Variants in PLCB4 observed in about 807,000 individuals in gnomAD.
PLCB4 encodes the protein 1-phosphatidylinositol 4,5-bisphosphate phosphodiesterase beta-4.
In PLCB4, 77 loss-of-function variants were observed where a neutral mutation model predicts 178.8. The observed-to-expected ratio is 0.43, with a 90% CI of 0.36 to 0.52. The LOEUF is 0.52. Among genes scored for constraint, PLCB4 ranks in the 20% least tolerant of loss-of-function variants. PLCB4 has a pLI of 0.00. For missense variants in PLCB4, 1,024 were observed against 1,453.4 expected (o/e 0.70, Z 4.80); for synonymous variants, 496 against 490.8 (o/e 1.01, Z -0.14).
chr20:9,352,305 C>T (rs1313946499), intron 7 of PLCB4, among the ~76,000 whole-genome samples: 1 of 152,108 alleles, frequency 6.6e-6, no homozygotes, highest in Non-Finnish European at 1.5e-5. Flanking sequence ...ATACATTTTT[C>T]CCTCCTGATC....
At chr20:9,375,701 AC>A (rs1180211152) in intron 12 of PLCB4, among the ~76,000 whole-genome samples, 1 of 152,178 alleles carries the variant, frequency 6.6e-6, no homozygotes, top group Non-Finnish European at 1.5e-5. Context: ...TCCCATGAAC[AC>A]TGGAAAGGAC....
At chr20:9,189,874 C>T (rs2093378519) in intron 2 of PLCB4, among the ~76,000 whole-genome samples, 1 of 152,112 alleles carries the variant, frequency 6.6e-6, no homozygotes, top group Admixed American at 6.5e-5. Context: ...CAGTCACCTC[C>T]TAAAGGCCCC....
chr20:9,152,283 G>A (rs958333610), intron 2 of PLCB4, among the ~76,000 whole-genome samples: 6 of 152,158 alleles, frequency 3.9e-5, no homozygotes, highest in South Asian at 2.1e-4. Context: ...CAAGACCATG[G>A]AGAAAATGTC....
chr20:9,409,915 T>G (rs763728937), intron 24 of PLCB4, among the ~76,000 whole-genome samples: 2 of 152,202 alleles, frequency 1.3e-5, no homozygotes, highest in Non-Finnish European at 2.9e-5. Context: ...CAAACCCTCT[T>G]CACTGTAGAT....
At chr20:9,086,826 A>T (rs1454845871) in intron 1 of PLCB4, among the ~76,000 whole-genome samples, 3 of 152,212 alleles carry the variant, frequency 2.0e-5, no homozygotes, top group Non-Finnish European at 4.4e-5. Context: ...GCCCTAGCTG[A>T]TTATGTGTTC....
chr20:9,298,427 A>C (rs1415613721), intron 3 of PLCB4, among the ~76,000 whole-genome samples: 1 of 152,046 alleles, frequency 6.6e-6, no homozygotes, highest in African/African-American at 2.4e-5. Context: ...ATGAGGAAAG[A>C]TATTACTTTT....
intron 3 of PLCB4, among the ~76,000 whole-genome samples, chr20:9,257,428 A>G (rs762727232): frequency 2.0e-5 from 3 of 152,212 alleles, no homozygotes; most frequent in Non-Finnish European, 4.4e-5. Context: ...CAATGTAGCC[A>G]TATAATTATG....
chr20:9,249,253 G>A (rs537767516), intron 3 of PLCB4, among the ~76,000 whole-genome samples: 14 of 151,804 alleles, frequency 9.2e-5, no homozygotes, highest in African/African-American at 2.7e-4. Context: ...TAAGTTTTAG[G>A]GTACATGTGC....
rs371571124 is a variant in PLCB4, at chr20:9,188,908, T to C, written c.-78-28482T>C. Among the ~76,000 whole-genome samples the C allele has an allele frequency of 1.9e-4, 12 of 62,706 alleles. 1 individual carries two copies. Among genetic ancestry groups the C allele is most frequent in the African/African-American group, 7.1e-4 (6 of 8,436 alleles). The allele number at this position is 62,706 out of a possible 152,430, so 41.1% of individuals were successfully genotyped here. The stretch of plus-strand genomic sequence containing the variant: ...TTGTTCATTGTGGAGGGCTGTCATA[T>C]AGTGACATTCTGGGTTGGTTAACTG... On this transcript the variant is annotated intron_variant, in intron 2 of 39. Transcript: ENST00000378473.
intron 28 of PLCB4, among the ~76,000 whole-genome samples, chr20:9,424,292 G>A (rs992510639): frequency 2.0e-5 from 3 of 152,118 alleles, no homozygotes; most frequent in South Asian, 4.1e-4. Context: ...TGAAACCATA[G>A]ATATCTTATC....
chr20:9,260,364 T>C (rs962693399), intron 3 of PLCB4, among the ~76,000 whole-genome samples: 1 of 152,166 alleles, frequency 6.6e-6, no homozygotes, highest in Non-Finnish European at 1.5e-5. Flanking sequence ...AAGTTTCTAA[T>C]TGAAGGATAT....
intron 2 of PLCB4, among the ~76,000 whole-genome samples, chr20:9,172,291 T>C (rs892680014): frequency 2.6e-5 from 4 of 152,176 alleles, no homozygotes; most frequent in African/African-American, 9.6e-5. Flanking sequence ...TAAGATTCCA[T>C]AATAAGAGAG....
intron 19 of PLCB4, among the ~76,000 whole-genome samples, chr20:9,397,322 T>A (rs2038672364): frequency 6.6e-6 from 1 of 152,164 alleles, no homozygotes. Flanking sequence ...AAATTCTAGT[T>A]CTCTTACTCT....
At chr20:9,254,653 G>A (rs1229904641) in intron 3 of PLCB4, among the ~76,000 whole-genome samples, 2 of 152,118 alleles carry the variant, frequency 1.3e-5, no homozygotes, top group Non-Finnish European at 2.9e-5. Context: ...AGCTGAGATC[G>A]TGCCACTGTA....
chr20:9,139,519 G>A (rs191853015), intron 2 of PLCB4, among the ~76,000 whole-genome samples: 1 of 152,144 alleles, frequency 6.6e-6, no homozygotes, highest in Admixed American at 6.5e-5. Context: ...TCACAGTGAG[G>A]GAGCTGGCTT....
intron 2 of PLCB4, among the ~76,000 whole-genome samples, chr20:9,099,050 T>C (rs1231847532): frequency 6.6e-6 from 1 of 152,022 alleles, no homozygotes; most frequent in Non-Finnish European, 1.5e-5. Context: ...TATTATAATG[T>C]ATTTTCTTAA....
At chr20:9,372,259 GA>G in intron 10 of PLCB4, 43 bp from the exon 11 acceptor site, 1 of 1,159,524 alleles carries the variant, frequency 8.6e-7, no homozygotes. Context: ...CCCTCCAAGG[GA>G]AAAACGGTTC....
chr20:9,155,921 C>T (rs143983326), intron 2 of PLCB4, among the ~76,000 whole-genome samples: 103 of 152,242 alleles, frequency 6.8e-4, no homozygotes, highest in Non-Finnish European at 1.1e-3. Context: ...CAAGTAAATA[C>T]AGTATGGACA....
chr20:9,291,766 G>A (rs2094581858), intron 3 of PLCB4, among the ~76,000 whole-genome samples: 1 of 152,104 alleles, frequency 6.6e-6, no homozygotes, highest in Non-Finnish European at 1.5e-5. Flanking sequence ...TTGACTAAAG[G>A]TTACTTTCAG....
Sources: allele counts gnomAD v4.1 joint callset (sites outside exome capture counted in the v4.1 genomes callset), GRCh38; gene constraint gnomAD v4.1.1; transcripts MANE v1.5; gene names NCBI Gene and HGNC (gene_info 2026-07-23, HGNC 2026-07-21).